The following DEPTOR variants were observed in gnomAD, a reference collection of about 807,000 sequenced individuals.
DEPTOR encodes DEP domain-containing mTOR-interacting protein.
Under a neutral mutation model 41.6 loss-of-function variants are expected in DEPTOR, and 41 were observed. The ratio of observed to expected loss-of-function variants is 0.98; its 90% CI spans 0.77 to 1.28. The LOEUF is 1.28. DEPTOR is among the 50% of genes most tolerant of loss of function. The probability of loss-of-function intolerance (pLI) is 0.00; values close to 1 mark genes in which losing one functional copy is unlikely to be tolerated. For missense variants in DEPTOR, 514 were observed against 527.9 expected, an observed-to-expected ratio of 0.97 and a Z score of 0.26; for synonymous variants, 195 against 192.3, an observed-to-expected ratio of 1.01 and a Z score of -0.12.
intron 4 of DEPTOR, among the ~76,000 whole-genome samples, chr8:119,992,620 G>A (rs1373414028): frequency 6.6e-6 from 1 of 150,772 alleles, no homozygotes; most frequent in Non-Finnish European, 1.5e-5. Context: ...ATGAAAGTAT[G>A]TGACCTTCCT....
chr8:119,955,766 G>A (rs772482416), intron 3 of DEPTOR, among the ~76,000 whole-genome samples: 8 of 152,086 alleles, frequency 5.3e-5, no homozygotes, highest in Non-Finnish European at 7.4e-5. Flanking sequence ...GCACCCTGCT[G>A]ACATAATTTT....
chr8:119,929,941 A>G lies in DEPTOR; in HGVS notation c.425+3A>G. 1 of 1,607,388 alleles carries G rather than the reference A, an allele frequency of 6.2e-7. No homozygotes were observed. On this transcript the variant is annotated splice_donor_region_variant and intron_variant, in intron 3 of 8. Coordinates refer to ENST00000286234, the MANE Select transcript of DEPTOR (RefSeq NM_022783.4). Reference sequence around the variant, plus strand: ...AGAGGACAGAGGCTATATGAAAAGTATGTTCCGCATGAAATCCCCCCTGTA... The same window carrying G: ...AGAGGACAGAGGCTATATGAAAAGTGTGTTCCGCATGAAATCCCCCCTGTA...
chr8:119,884,241 A>C (rs1013510530), intron 1 of DEPTOR, among the ~76,000 whole-genome samples: 2 of 152,194 alleles, frequency 1.3e-5, no homozygotes, highest in African/African-American at 4.8e-5. Flanking sequence ...TATTTTCAGT[A>C]AAGATGGGGT....
chr8:120,038,596 A>AG (rs1468654335), intron 8 of DEPTOR, among the ~76,000 whole-genome samples: 1 of 139,946 alleles, frequency 7.1e-6, no homozygotes, highest in Non-Finnish European at 1.6e-5. Context: ...CTATCTCAAA[A>AG]AAAAAAAAAA....
chr8:119,922,626 T>C (rs1056760141), intron 1 of DEPTOR, among the ~76,000 whole-genome samples: 2 of 152,222 alleles, frequency 1.3e-5, no homozygotes, highest in African/African-American at 4.8e-5. Flanking sequence ...TTTGTGGTTT[T>C]AGAATTGACT....
chr8:119,959,549 C>T (rs541766212), intron 3 of DEPTOR, among the ~76,000 whole-genome samples: 33 of 147,904 alleles, frequency 2.2e-4, no homozygotes, highest in African/African-American at 7.2e-4. Context: ...TTTTTTGAAA[C>T]GGAGTCTTGC....
intron 1 of DEPTOR, among the ~76,000 whole-genome samples, chr8:119,878,725 A>C (rs1432228579): frequency 6.6e-6 from 1 of 152,152 alleles, no homozygotes; most frequent in African/African-American, 2.4e-5. Flanking sequence ...GCTTAACTGC[A>C]GGACCCTTTG....
chr8:119,903,087 T>C (rs1169830985), intron 1 of DEPTOR, among the ~76,000 whole-genome samples: 2 of 152,166 alleles, frequency 1.3e-5, no homozygotes, highest in East Asian at 1.9e-4. Context: ...GTTCAAGTAA[T>C]ATTCGTTGGC....
chr8:119,898,823 C>CA (rs1430770083), intron 1 of DEPTOR, among the ~76,000 whole-genome samples: 2 of 152,016 alleles, frequency 1.3e-5, no homozygotes, highest in Non-Finnish European at 2.9e-5. Flanking sequence ...TAGTTAGCCA[C>CA]ATAGAACCCT....
intron 8 of DEPTOR, among the ~76,000 whole-genome samples, chr8:120,015,251 A>G (rs912360224): frequency 2.6e-5 from 4 of 152,144 alleles, no homozygotes; most frequent in Non-Finnish European, 5.9e-5. Context: ...TCTCCTGCCT[A>G]GGGCTGAATA....
chr8:119,918,796 G>A (rs2129813713), intron 1 of DEPTOR, among the ~76,000 whole-genome samples: 1 of 152,038 alleles, frequency 6.6e-6, no homozygotes, highest in Middle Eastern at 3.4e-3. Flanking sequence ...GTTTCTCCAT[G>A]TTGGTCAGGC....
At chr8:120,036,577 C>A (rs1160501351) in intron 8 of DEPTOR, among the ~76,000 whole-genome samples, 3 of 152,180 alleles carry the variant, frequency 2.0e-5, no homozygotes, top group South Asian at 2.1e-4. Context: ...GGAACAGTGT[C>A]CTGCTGTCAG....
At chr8:120,028,452 C>CT (rs754049805) in intron 8 of DEPTOR, among the ~76,000 whole-genome samples, 1,511 of 107,340 alleles carry the variant, frequency 0.014, 21 homozygotes, top group African/African-American at 0.025. Context: ...AGCTCCAAAT[C>CT]TTTTTTTTTT....
At chr8:119,962,247 A>G (rs1289420249) in intron 3 of DEPTOR, among the ~76,000 whole-genome samples, 1 of 152,062 alleles carries the variant, frequency 6.6e-6, no homozygotes, top group Non-Finnish European at 1.5e-5. Flanking sequence ...ACAGAGCAAG[A>G]CTCTGTCTCA....
rs556038016 is a variant in DEPTOR, at chr8:119,943,661, C to T, written c.425+13723C>T. Among the ~76,000 whole-genome samples, 6 of 152,160 alleles carry T rather than the reference C, an allele frequency of 3.9e-5. No individual in the cohort carries two copies. In the South Asian group the frequency reaches 1.2e-3, roughly 32 times the overall value. On this transcript the variant is annotated intron_variant, in intron 3 of 8. Transcript: ENST00000286234. ...TGCAGCCCTCCCGTTAACATCTGTCCCCTTTGGGCTCTGGAAACTGGTCTC... is the reference window on the plus strand; with the variant it reads ...TGCAGCCCTCCCGTTAACATCTGTCTCCTTTGGGCTCTGGAAACTGGTCTC...
intron 3 of DEPTOR, among the ~76,000 whole-genome samples, chr8:119,934,232 G>A (rs931934109): frequency 6.6e-6 from 1 of 152,160 alleles, no homozygotes; most frequent in Non-Finnish European, 1.5e-5. Context: ...CTGCTCGTTG[G>A]TAGGATAAAC....
chr8:119,954,718 T>C (rs1828395702), intron 3 of DEPTOR, among the ~76,000 whole-genome samples: 1 of 152,146 alleles, frequency 6.6e-6, no homozygotes, highest in South Asian at 2.1e-4. Context: ...CCTTCTATTG[T>C]AGTGCTGCCT....
intron 4 of DEPTOR, among the ~76,000 whole-genome samples, chr8:119,984,950 G>A (rs993985520): frequency 6.6e-6 from 1 of 152,130 alleles, no homozygotes; most frequent in African/African-American, 2.4e-5. Flanking sequence ...ACTTTGGGAG[G>A]CCAAGGCAGG....
chr8:120,022,001 TTGG>T (rs1217112480), intron 8 of DEPTOR, among the ~76,000 whole-genome samples: 1 of 151,916 alleles, frequency 6.6e-6, no homozygotes, highest in African/African-American at 2.4e-5. Context: ...TTAGCCAGAC[TTGG>T]TGGCACGTAG....
Sources: allele counts gnomAD v4.1 joint callset (sites outside exome capture counted in the v4.1 genomes callset), GRCh38; gene constraint gnomAD v4.1.1; transcripts MANE v1.5; gene names NCBI Gene and HGNC (gene_info 2026-07-23, HGNC 2026-07-21).